ANKRD28: variants seen among roughly 807,000 people sequenced by gnomAD.
The protein encoded by ANKRD28 is ankyrin repeat domain 28, also known as serine/threonine-protein phosphatase 6 regulatory ankyrin repeat subunit A.
A neutral mutation model predicts 126.5 loss-of-function variants in ANKRD28; 44 were observed. That is an observed-to-expected ratio of 0.35 (90% CI 0.27 to 0.45). The LOEUF (loss-of-function observed/expected upper bound fraction) is 0.45, where lower values mean the gene tolerates loss of function less well. Ranked by LOEUF, ANKRD28 falls within the 20% of genes least tolerant of loss-of-function variation. The pLI is 1.00. For synonymous variants in ANKRD28, 442 were observed against 468.5 expected (o/e 0.94, Z 0.73); for missense variants, 1,110 against 1,316.6 (o/e 0.84, Z 2.43).
intron 22 of ANKRD28, 37 bp downstream of exon 22, chr3:15,679,439 A>G (rs1274809018): frequency 1.2e-6 from 2 of 1,613,520 alleles, no homozygotes; most frequent in South Asian, 2.2e-5. Flanking sequence ...TTCTTAAAAC[A>G]CTCAAACCAA....
intron 27 of ANKRD28, among the ~76,000 whole-genome samples, chr3:15,671,140 AC>A (rs2066293732): frequency 6.6e-6 from 1 of 152,230 alleles, no homozygotes. Context: ...AAAACAGTAG[AC>A]AAACTAAGCA....
Position 15,833,999 on chromosome 3 carries a change from A to C in ANKRD28, c.27+25378T>G, listed in dbSNP as rs2061266585. The stretch of plus-strand genomic sequence containing the variant: ...GCCTTTTGTCAGATGCAGTTTTCAC[A>C]TTTTGCACATATTTTTTCCCCTTTC... On this transcript the variant is annotated intron_variant, in intron 1 of 27. Transcript: ENST00000399451. This position sits in a 1 kb window ranked among gnomAD's most constrained non-coding sequence, Gnocchi z 4.4. Among the ~76,000 whole-genome samples the C allele has an allele frequency of 6.6e-6, 1 of 151,874 alleles. No individual in the cohort carries two copies. Among genetic ancestry groups the C allele is most frequent in the South Asian group, 2.1e-4 (1 of 4,808 alleles).
intron 2 of ANKRD28, among the ~76,000 whole-genome samples, chr3:15,784,141 C>A (rs2059663570): frequency 6.6e-6 from 1 of 151,880 alleles, no homozygotes; most frequent in Admixed American, 6.6e-5. Flanking sequence ...GAGAATTTGT[C>A]AGCTGAACTT....
chr3:15,779,029 C>T (rs939603239), intron 2 of ANKRD28, among the ~76,000 whole-genome samples: 3 of 152,166 alleles, frequency 2.0e-5, no homozygotes, highest in Admixed American at 2.0e-4. Flanking sequence ...GCCCCCACAG[C>T]CATGCAGAAC....
chr3:15,763,763 C>T (rs1236964055), intron 3 of ANKRD28, among the ~76,000 whole-genome samples: 4 of 152,082 alleles, frequency 2.6e-5, no homozygotes, highest in Admixed American at 2.0e-4. Context: ...GAATTCAAGT[C>T]AGAAGAAATC....
In ANKRD28 at chr3:15,821,904, T is replaced by C. The variant is rs1333944965; in HGVS notation, c.28-26598A>G. On this transcript the variant is annotated intron_variant, in intron 1 of 27. Transcript: ENST00000399451. Reference sequence around the variant, plus strand: ...TCTTTGTTCCACCATGCTTGGAGATTCCTAGTACTGAAGCATCTTTCCCAG... The same window carrying C: ...TCTTTGTTCCACCATGCTTGGAGATCCCTAGTACTGAAGCATCTTTCCCAG... 2.6e-5 allele frequency among the ~76,000 whole-genome samples: 4 copies of C among 152,176 alleles called. No homozygotes were observed. The East Asian group carries it at 7.7e-4, about 29-fold the overall frequency.
At chr3:15,750,274 T>A (rs1179946258) in intron 4 of ANKRD28, among the ~76,000 whole-genome samples, 3 of 152,232 alleles carry the variant, frequency 2.0e-5, no homozygotes, top group Non-Finnish European at 4.4e-5. Flanking sequence ...TATGTTCCAA[T>A]AACAGTAATG....
At chr3:15,799,326 A>AC (rs398081914), upstream of ANKRD28, among the ~76,000 whole-genome samples, 2 of 151,934 alleles carry the variant, frequency 1.3e-5, no homozygotes, top group African/African-American at 4.8e-5. Context: ...GGAAAAAAAA[A>AC]ACAAAAAATC....
Position 15,833,474 on chromosome 3 carries a change from T to C in ANKRD28, c.27+25903A>G, listed in dbSNP as rs1414938361. 1.3e-5 allele frequency among the ~76,000 whole-genome samples: 2 copies of C among 149,150 alleles called. No homozygotes were observed. Among genetic ancestry groups the C allele is most frequent in the Non-Finnish European group, 3.0e-5 (2 of 67,450 alleles). Reference sequence around the variant, plus strand: ...GAGTTAATACTTAAACTCCCCTTCATATATATATAATATATAAAAATATAC... The same window carrying C: ...GAGTTAATACTTAAACTCCCCTTCACATATATATAATATATAAAAATATAC... On this transcript the variant is annotated intron_variant, in intron 1 of 27. Coordinates refer to the ANKRD28 transcript ENST00000399451. This position sits in a 1 kb window ranked among gnomAD's most constrained non-coding sequence, Gnocchi z 4.4.
chr3:15,766,252 C>A lies in ANKRD28; in HGVS notation c.262G>T (p.Glu88Ter). 6.2e-7 allele frequency: 1 copy of A among 1,610,730 alleles called. No homozygotes were observed. The highest frequency in any genetic ancestry group is 8.5e-7 in the Non-Finnish European group (1 of 1,177,848). The change falls in exon 3 of 28, where the codon GAA (glutamate) becomes TAA (stop). Residue 88 changes from glutamate (E) to a stop codon, truncating the protein, a stop_gained. Transcript: ENST00000683139. LOFTEE classifies it high-confidence loss of function. ...AAYLGDAEII[E>*]LLILSGARVN... ...ACCATACCAGATAAAATAAGAAGTT[C>A]AATGATTTCTGCATCTCCAAGGTAA...
intron 12 of ANKRD28, among the ~76,000 whole-genome samples, 187 bp from the exon 13 acceptor site, chr3:15,709,923 A>T (rs994485930): frequency 3.3e-5 from 5 of 152,238 alleles, no homozygotes; most frequent in African/African-American, 1.2e-4. Flanking sequence ...TTATATACTT[A>T]CATATTGGCA....
At position 15,797,163 on chromosome 3, in the gene ANKRD28, G is replaced by A; in HGVS notation, c.-642C>T. Reference sequence around the variant, plus strand: ...ACAAATCCTGAAAATGAAGCTCAGAGGTTAACAATTCTTTCAGTGTTTGGG... The same window carrying A: ...ACAAATCCTGAAAATGAAGCTCAGAAGTTAACAATTCTTTCAGTGTTTGGG... On this transcript the variant is annotated 5_prime_UTR_variant, in exon 1 of 28. Transcript: ENST00000683139. The A allele has an allele frequency of 1.0e-6, 1 of 961,644 alleles. No individual in the cohort carries two copies. Among genetic ancestry groups the A allele is most frequent in the African/African-American group, 1.8e-5 (1 of 55,626 alleles). 59.6% of individuals were successfully genotyped at this position (961,644 alleles called of 1,614,324 possible).
chr3:15,741,697 C>CTTTTTTTTTTTTTTT (rs58655271), intron 4 of ANKRD28, among the ~76,000 whole-genome samples: 6 of 33,664 alleles, frequency 1.8e-4, no homozygotes, highest in Non-Finnish European at 2.5e-4. Flanking sequence ...TGGTTCTATC[C>CTTTTTTTTTTTTTTT]TTTTTTTTTT....
rs2060787076 is a variant in ANKRD28, at chr3:15,814,269, C to G, written c.28-18963G>C. The stretch of plus-strand genomic sequence containing the variant: ...ATAGGAATTCCCATACTATTTTCCT[C>G]TGGTGGAGGCAGTTGTACTGTTTCA... On this transcript the variant is annotated intron_variant, in intron 1 of 27. Coordinates refer to the ANKRD28 transcript ENST00000399451. The surrounding 1 kb of genome is among the most constrained non-coding windows in gnomAD (Gnocchi z 4.7). 1.6e-6 allele frequency: 2 copies of G among 1,264,246 alleles called. No individual in the cohort carries two copies. The highest frequency in any genetic ancestry group is 1.0e-6 in the Non-Finnish European group (1 of 980,646). 78.3% of individuals were successfully genotyped at this position (1,264,246 alleles called of 1,614,324 possible).
intron 21 of ANKRD28, among the ~76,000 whole-genome samples, chr3:15,683,558 G>C (rs1417675774): frequency 1.3e-5 from 2 of 152,162 alleles, no homozygotes; most frequent in Admixed American, 1.3e-4. Flanking sequence ...AAACTAGCTT[G>C]TTCAATGAGC....
At chr3:15,774,353 T>C (rs1162421107) in intron 2 of ANKRD28, among the ~76,000 whole-genome samples, 4 of 152,002 alleles carry the variant, frequency 2.6e-5, no homozygotes, top group African/African-American at 9.7e-5. Flanking sequence ...TACTTGCAAA[T>C]CACAGATCTG....
intron 2 of ANKRD28, among the ~76,000 whole-genome samples, chr3:15,770,451 G>C (rs552879691): frequency 2.0e-5 from 3 of 151,334 alleles, no homozygotes; most frequent in Non-Finnish European, 4.4e-5. Context: ...ACTGGGTACA[G>C]AAATCTAACT....
At chr3:15,703,832 A>G (rs1474645246) in intron 14 of ANKRD28, among the ~76,000 whole-genome samples, 1 of 152,234 alleles carries the variant, frequency 6.6e-6, no homozygotes, top group Non-Finnish European at 1.5e-5. Context: ...AAATATTTTA[A>G]AAAATTATAT....
chr3:15,724,453 T>A lies in ANKRD28; in HGVS notation c.712A>T (p.Thr238Ser), dbSNP rs1430752815. ...EVTCKDKKSYTPLHAAASSGM... is the reference protein window; with the variant it reads ...EVTCKDKKSYSPLHAAASSGM... ...CTAGAGGCTGCTGCATGAAGAGGTG[T>A]ATAAGACTTTTTATCCTTGCATGTC... The change falls in exon 7 of 28, where the codon ACA (threonine) becomes TCA (serine). Residue 238 changes from threonine to serine, a missense_variant. Coordinates refer to ENST00000683139, the MANE Select transcript of ANKRD28 (RefSeq NM_001349278.2). 6.2e-7 allele frequency: 1 copy of A among 1,600,976 alleles called. No homozygotes were observed. The highest frequency in any genetic ancestry group is 8.5e-7 in the Non-Finnish European group (1 of 1,173,064).
Sources: allele counts gnomAD v4.1 joint callset (sites outside exome capture counted in the v4.1 genomes callset), GRCh38; gene constraint gnomAD v4.1.1; non-coding constraint Gnocchi (gnomAD v3.1); transcripts MANE v1.5; gene names NCBI Gene and HGNC (gene_info 2026-07-23, HGNC 2026-07-21).